Variants in MYO1E observed in about 807,000 individuals in gnomAD.
MYO1E encodes the protein unconventional myosin-Ie.
A neutral mutation model predicts 151.1 loss-of-function variants in MYO1E; 68 were observed. The observed-to-expected ratio is 0.45, with a 90% CI of 0.37 to 0.55. The LOEUF (loss-of-function observed/expected upper bound fraction) is 0.55, where lower values mean the gene tolerates loss of function less well. Ranked by LOEUF, MYO1E falls within the 20% of genes least tolerant of loss-of-function variation. MYO1E has a pLI of 0.00. For synonymous variants in MYO1E, 601 were observed against 501.7 expected (o/e 1.20, Z -2.64); for missense variants, 1,363 against 1,389.3 (o/e 0.98, Z 0.30).
intron 22 of MYO1E, 34 bp downstream of exon 22, chr15:59,171,863 G>T (rs757614460): frequency 1.2e-6 from 2 of 1,613,940 alleles, no homozygotes; most frequent in African/African-American, 1.3e-5. Context: ...GAGGCGAGAA[G>T]GGGCAGTCCT....
chr15:59,287,462 G>A (rs1481599546), intron 1 of MYO1E, among the ~76,000 whole-genome samples: 2 of 152,166 alleles, frequency 1.3e-5, no homozygotes, highest in African/African-American at 4.8e-5. Flanking sequence ...GATCAGCACG[G>A]CTTCACTGAT....
At chr15:59,176,562 A>G (rs2079626539) in intron 19 of MYO1E, among the ~76,000 whole-genome samples, 1 of 151,488 alleles carries the variant, frequency 6.6e-6, no homozygotes, top group South Asian at 2.1e-4. Flanking sequence ...CCTGGGCTCA[A>G]GTGATCCTCC....
intron 1 of MYO1E, among the ~76,000 whole-genome samples, chr15:59,362,428 A>G (rs2080890958): frequency 1.3e-5 from 2 of 152,270 alleles, no homozygotes; most frequent in Admixed American, 6.5e-5. Context: ...TGTTATTATA[A>G]ACACTGTCAG....
chr15:59,297,852 G>A (rs1261819169), intron 1 of MYO1E, among the ~76,000 whole-genome samples: 2 of 152,130 alleles, frequency 1.3e-5, no homozygotes, highest in African/African-American at 4.8e-5. Context: ...AAAGTGCTGG[G>A]ATTACAGGCA....
At chr15:59,191,575 A>C (rs772895967) in intron 17 of MYO1E, among the ~76,000 whole-genome samples, 23 of 152,232 alleles carry the variant, frequency 1.5e-4, no homozygotes, top group South Asian at 4.2e-4. Context: ...GGAATGCATC[A>C]CCCATTAATT....
At chr15:59,339,501 T>C (rs116774151) in intron 1 of MYO1E, among the ~76,000 whole-genome samples, 14 of 152,324 alleles carry the variant, frequency 9.2e-5, no homozygotes, top group African/African-American at 3.1e-4. Context: ...CAGCCTCCTA[T>C]TGACTGCCTT....
intron 1 of MYO1E, among the ~76,000 whole-genome samples, chr15:59,324,030 T>C (rs2080646237): frequency 6.6e-6 from 1 of 151,146 alleles, no homozygotes; most frequent in South Asian, 2.1e-4. Flanking sequence ...ATTCAAGATC[T>C]AATCTGGGCA....
At chr15:59,233,667 A>AT (rs58743082) in intron 5 of MYO1E, among the ~76,000 whole-genome samples, 15 of 141,578 alleles carry the variant, frequency 1.1e-4, no homozygotes, top group African/African-American at 3.9e-4. Flanking sequence ...CGTCTAAAAA[A>AT]AAAAAAAAAA....
At chr15:59,272,950 C>A (rs564326101) in intron 1 of MYO1E, among the ~76,000 whole-genome samples, 1 of 152,352 alleles carries the variant, frequency 6.6e-6, no homozygotes, top group South Asian at 2.1e-4. Context: ...ATGTATCACA[C>A]AAAGGCTATG....
At chr15:59,331,064 C>G (rs1403256830) in intron 1 of MYO1E, among the ~76,000 whole-genome samples, 2 of 152,172 alleles carry the variant, frequency 1.3e-5, no homozygotes, top group African/African-American at 4.8e-5. Flanking sequence ...GCCACGACGC[C>G]CAGTCTGATT....
chr15:59,173,627 C>T, intron 21 of MYO1E, 119 bp downstream of exon 21: 2 of 1,280,836 alleles, frequency 1.6e-6, no homozygotes, highest in East Asian at 4.7e-5. Flanking sequence ...ACTGTATTTT[C>T]TCTAAATTTT....
intron 1 of MYO1E, among the ~76,000 whole-genome samples, chr15:59,321,494 T>C (rs1255910778): frequency 3.9e-5 from 6 of 152,330 alleles, no homozygotes; most frequent in African/African-American, 1.4e-4. Context: ...TGGAGTACTA[T>C]GCAGCCATAA....
intron 2 of MYO1E, 144 bp from the exon 3 acceptor site, chr15:59,261,653 G>C (rs993194403): frequency 1.7e-5 from 11 of 644,672 alleles, no homozygotes; most frequent in Middle Eastern, 4.1e-4. Flanking sequence ...TACAAGTAAA[G>C]ACGAAAGCAA....
Position 59,281,277 on chromosome 15 carries a change from TTTC to T in MYO1E, c.4-8831_4-8829del, listed in dbSNP as rs748148921. Among the ~76,000 whole-genome samples, 194 of 149,848 alleles carry T rather than the reference TTTC, an allele frequency of 1.3e-3. 2 individuals are homozygous for T. Among genetic ancestry groups the T allele is most frequent in the Non-Finnish European group, 2.3e-3 (152 of 67,540 alleles). On this transcript the variant is annotated intron_variant, in intron 1 of 27. Coordinates refer to ENST00000288235, the MANE Select transcript of MYO1E (RefSeq NM_004998.4). ...TTCCTTTTCTTTTCTTTTTCTTTTC[TTTC>T]TTTTTTTTTTTCTGAGAAAGAGTCT...
At chr15:59,221,278 G>A (rs2079954483) in intron 9 of MYO1E, among the ~76,000 whole-genome samples, 1 of 151,858 alleles carries the variant, frequency 6.6e-6, no homozygotes, top group Non-Finnish European at 1.5e-5. Context: ...CTGAAGTGCT[G>A]GGATTACAGG....
intron 1 of MYO1E, among the ~76,000 whole-genome samples, chr15:59,323,813 T>A (rs2080644232): frequency 6.6e-6 from 1 of 151,540 alleles, no homozygotes; most frequent in Admixed American, 6.6e-5. Context: ...GGACAAAGGG[T>A]GCAGCCAGAG....
chr15:59,179,015 C>A (rs919495532), intron 18 of MYO1E, among the ~76,000 whole-genome samples: 1 of 152,228 alleles, frequency 6.6e-6, no homozygotes, highest in Non-Finnish European at 1.5e-5. Context: ...ATCTGGGTCA[C>A]GAGGCCCTTG....
chr15:59,297,675 G>A (rs1371658757), intron 1 of MYO1E, among the ~76,000 whole-genome samples: 1 of 151,814 alleles, frequency 6.6e-6, no homozygotes, highest in Non-Finnish European at 1.5e-5. Context: ...TCGACCTCCT[G>A]GGCTCAAGTG....
intron 1 of MYO1E, among the ~76,000 whole-genome samples, chr15:59,281,664 C>T (rs1032419173): frequency 6.6e-6 from 1 of 151,980 alleles, no homozygotes; most frequent in African/African-American, 2.4e-5. Context: ...TTTCCTATAA[C>T]CACATTCCAC....
Sources: allele counts gnomAD v4.1 joint callset (sites outside exome capture counted in the v4.1 genomes callset), GRCh38; gene constraint gnomAD v4.1.1; transcripts MANE v1.5; gene names NCBI Gene and HGNC (gene_info 2026-07-23, HGNC 2026-07-21).